Variants in LRFN5 observed in about 807,000 individuals in gnomAD.
The protein encoded by LRFN5 is leucine rich repeat and fibronectin type III domain containing 5, also known as leucine-rich repeat and fibronectin type-III domain-containing protein 5.
A neutral mutation model predicts 45.6 loss-of-function variants in LRFN5; 24 were observed. The observed-to-expected ratio is 0.53, with a 90% CI of 0.38 to 0.74. LRFN5 has a LOEUF of 0.74. LRFN5 is among the 30% of genes least tolerant of loss of function. The pLI is 0.00. For synonymous variants in LRFN5, 340 were observed against 313.8 expected, an observed-to-expected ratio of 1.08 and a Z score of -0.88; for missense variants, 776 against 861.5, an observed-to-expected ratio of 0.90 and a Z score of 1.24.
intron 1 of LRFN5, among the ~76,000 whole-genome samples, chr14:41,642,857 A>G (rs1384806697): frequency 6.6e-6 from 1 of 152,236 alleles, no homozygotes; most frequent in Non-Finnish European, 1.5e-5. Flanking sequence ...TGTACACAAT[A>G]TAACACAGAG....
At chr14:41,690,823 ATTGT>A (rs1012850634) in intron 1 of LRFN5, among the ~76,000 whole-genome samples, 13 of 152,090 alleles carry the variant, frequency 8.5e-5, no homozygotes, top group African/African-American at 2.9e-4. Flanking sequence ...AGACATTCAG[ATTGT>A]TTATTTACCC....
At chr14:41,655,958 ATTAG>A (rs1028447788) in intron 1 of LRFN5, among the ~76,000 whole-genome samples, 13 of 152,168 alleles carry the variant, frequency 8.5e-5, no homozygotes, top group Admixed American at 3.3e-4. Flanking sequence ...TTAAGTGCTT[ATTAG>A]TTATTTTGCA....
intron 2 of LRFN5, among the ~76,000 whole-genome samples, chr14:41,801,405 C>T (rs775621945): frequency 3.9e-5 from 6 of 152,054 alleles, no homozygotes; most frequent in East Asian, 1.9e-4. Flanking sequence ...AATTAGTATT[C>T]GAGAGTAATG....
chr14:41,739,532 A>C (rs563881372), intron 1 of LRFN5, among the ~76,000 whole-genome samples: 12 of 152,128 alleles, frequency 7.9e-5, no homozygotes, highest in Non-Finnish European at 1.3e-4. Context: ...AAATGGAAAC[A>C]CAATATACCA....
chr14:41,783,120 A>G (rs1350539518), intron 2 of LRFN5, among the ~76,000 whole-genome samples: 2 of 151,810 alleles, frequency 1.3e-5, no homozygotes, highest in Non-Finnish European at 2.9e-5. Context: ...ATCTGGGTAT[A>G]TTTCAGAATG....
rs566454436 is a variant in LRFN5 at position 41,849,730 on chromosome 14, G to A, written c.-20-36876G>A. Among the ~76,000 whole-genome samples, 8 of 151,998 alleles carry A rather than the reference G, an allele frequency of 5.3e-5. No individual in the cohort carries two copies. The South Asian group carries it at 8.3e-4, about 16-fold the overall frequency. On this transcript the variant is annotated intron_variant, in intron 2 of 5. Transcript: ENST00000298119. Reference sequence around the variant, plus strand: ...TGCATGGTGTAAATTCAGTTAATGCGTCGGCTCAAAGGGAAGTAATGTTGT... The same window carrying A: ...TGCATGGTGTAAATTCAGTTAATGCATCGGCTCAAAGGGAAGTAATGTTGT...
intron 1 of LRFN5, among the ~76,000 whole-genome samples, chr14:41,699,202 G>A (rs1013573235): frequency 2.2e-4 from 33 of 151,988 alleles, no homozygotes; most frequent in African/African-American, 7.7e-4. Flanking sequence ...TTCTTACCTT[G>A]TATGTCTCTG....
At chr14:41,673,449 AC>A (rs564196582) in intron 1 of LRFN5, among the ~76,000 whole-genome samples, 6 of 125,498 alleles carry the variant, frequency 4.8e-5, no homozygotes, top group African/African-American at 6.3e-5. Flanking sequence ...GGGGGGGCTG[AC>A]CCCCCCACCT....
rs1296882702 is a variant in LRFN5 at position 41,606,937 on chromosome 14, C to G, written c.-1822C>G. 6.6e-6 allele frequency among the ~76,000 whole-genome samples: 1 copy of G among 151,962 alleles called. No homozygotes were observed. The highest frequency in any genetic ancestry group is 1.5e-5 in the Non-Finnish European group (1 of 67,962). On this transcript the variant is annotated 5_prime_UTR_variant, in exon 1 of 6. Transcript: ENST00000298119. The stretch of plus-strand genomic sequence containing the variant: ...CAGTTCCACGCGGCCAGGAGGCCGC[C>G]GTTGCCCACACGCGACGCTTTGGGA...
intron 1 of LRFN5, among the ~76,000 whole-genome samples, chr14:41,664,461 A>G (rs1454962231): frequency 6.6e-6 from 1 of 151,910 alleles, no homozygotes; most frequent in Non-Finnish European, 1.5e-5. Context: ...CTAAGTCCTT[A>G]TTTAAGAACT....
intron 2 of LRFN5, among the ~76,000 whole-genome samples, chr14:41,768,095 T>C (rs564180813): frequency 3.3e-5 from 5 of 152,264 alleles, no homozygotes; most frequent in African/African-American, 9.6e-5. Flanking sequence ...TTTCTTGAAG[T>C]GAACAGGTAA....
intron 1 of LRFN5, among the ~76,000 whole-genome samples, chr14:41,650,902 A>C (rs1241681252): frequency 2.7e-4 from 8 of 30,128 alleles, no homozygotes; most frequent in African/African-American, 1.1e-3. Flanking sequence ...AGAGAGAGGG[A>C]GGGAGGGAGG....
At position 41,891,362 on chromosome 14, in the gene LRFN5, A is replaced by T. The variant is rs1161531791; in HGVS notation, c.1498A>T (p.Thr500Ser). Residue 500 changes from threonine (T) to serine (S), a missense_variant, in exon 4 of 6, where the codon ACA becomes TCA. By Grantham distance (58) the Thr-to-Ser change is moderately conservative. Around this residue, in one of 2 missense-constraint regions of LRFN5, gnomAD observed 465 missense variants for 456.4 expected, o/e 1.02. Transcript: ENST00000298119. ...TGATGGCATCACTTCCCTCACTGCC[A>T]CAAGAGTCGTGGGTTGCATCCAGTT... ...YDDGITSLTA[T>S]RVVGCIQFTT... The T allele has an allele frequency of 6.2e-7, 1 of 1,614,110 alleles. No homozygotes were observed.
chr14:41,753,109 T>A (rs577997777), intron 1 of LRFN5, among the ~76,000 whole-genome samples: 70 of 152,266 alleles, frequency 4.6e-4, no homozygotes, highest in Admixed American at 2.7e-3. Context: ...GGCTCTGTTC[T>A]GTTCCATTGG....
chr14:41,869,263 C>T (rs1346092104), intron 2 of LRFN5, among the ~76,000 whole-genome samples: 1 of 152,060 alleles, frequency 6.6e-6, no homozygotes, highest in Non-Finnish European at 1.5e-5. Flanking sequence ...TTGCATGTCT[C>T]CTGAGCACCT....
chr14:41,814,624 G>T (rs1887853369), intron 2 of LRFN5, among the ~76,000 whole-genome samples: 1 of 152,186 alleles, frequency 6.6e-6, no homozygotes, highest in Admixed American at 6.6e-5. Flanking sequence ...TAGGTTAAGA[G>T]AATCTTTGTC....
At chr14:41,819,516 A>C (rs1888038001) in intron 2 of LRFN5, among the ~76,000 whole-genome samples, 1 of 152,160 alleles carries the variant, frequency 6.6e-6, no homozygotes, top group Non-Finnish European at 1.5e-5. Context: ...CTGAGACTGG[A>C]TAATTTTTAT....
chr14:41,651,344 A>C (rs1177464502), intron 1 of LRFN5, among the ~76,000 whole-genome samples: 1 of 152,176 alleles, frequency 6.6e-6, no homozygotes, highest in Non-Finnish European at 1.5e-5. Flanking sequence ...CAAGTACTGA[A>C]TCTCAAAAGG....
chr14:41,819,357 T>C (rs1888031321), intron 2 of LRFN5, among the ~76,000 whole-genome samples: 3 of 152,130 alleles, frequency 2.0e-5, no homozygotes, highest in African/African-American at 4.8e-5. Flanking sequence ...TGTATAAGTG[T>C]TCCCTTTACA....
Sources: allele counts gnomAD v4.1 joint callset (sites outside exome capture counted in the v4.1 genomes callset), GRCh38; gene constraint gnomAD v4.1.1; regional missense constraint gnomAD v4.1.1; transcripts MANE v1.5; gene names NCBI Gene and HGNC (gene_info 2026-07-23, HGNC 2026-07-21).